The following PIK3CD variants were observed in gnomAD, a reference collection of about 807,000 sequenced individuals.
The protein encoded by PIK3CD is phosphatidylinositol 4,5-bisphosphate 3-kinase catalytic subunit delta isoform.
PIK3CD carries 20 observed loss-of-function variants against 122.9 expected under a neutral mutation model. That is an observed-to-expected ratio of 0.16 (90% CI 0.11 to 0.24). The LOEUF (loss-of-function observed/expected upper bound fraction) is 0.24, where lower values mean the gene tolerates loss of function less well. PIK3CD is among the 10% of genes least tolerant of loss of function. The pLI, the probability that PIK3CD is intolerant of heterozygous loss-of-function variation, is 1.00. For synonymous variants in PIK3CD, 596 were observed against 593.4 expected (o/e 1.00, Z -0.06); for missense variants, 787 against 1,406.3 (o/e 0.56, Z 7.04).
At chr1:9,642,765 T>C in the PIK3CD span, among the ~76,000 whole-genome samples, 3 of 148,054 alleles carry the variant, frequency 2.0e-5, no homozygotes, top group Non-Finnish European at 4.5e-5. Flanking sequence ...TCCAGCACAC[T>C]AGCGTGTCAC....
rs148552604 is a variant in PIK3CD at position 9,662,771 on chromosome 1, C to T, written c.-138+10969C>T. On this transcript the variant is annotated intron_variant, in intron 1 of 23. Coordinates refer to ENST00000377346, the MANE Select transcript of PIK3CD (RefSeq NM_005026.5). ...TGGCAAGATCTCGGCTCACTGCCAT[C>T]TCTACCTCCCGCGTCCTAGCAATTC... 3 of 152,188 alleles carry T rather than the reference C, an allele frequency of 2.0e-5. No homozygotes were observed. The East Asian group carries it at 5.8e-4, about 29-fold the overall frequency. The allele number at this position is 152,188 out of a possible 1,614,324, so 9.4% of individuals were successfully genotyped here.
At position 9,710,223 on chromosome 1, in the gene PIK3CD, G is replaced by A. The variant is rs1451104164; in HGVS notation, c.-32-201G>A. ...CCTGGGAGAAGAGGCAGCTGAGGCC[G>A]TGGCCCGGAGTAGTAGGAGCCACAA... On this transcript the variant is annotated intron_variant, in intron 2 of 23. Coordinates refer to ENST00000377346, the MANE Select transcript of PIK3CD (RefSeq NM_005026.5). This position sits in a 1 kb window ranked among gnomAD's most constrained non-coding sequence, Gnocchi z 4.7. 3.2e-5 allele frequency: 18 copies of A among 558,952 alleles called. No homozygotes were observed. Among genetic ancestry groups the A allele is most frequent in the Admixed American group, 1.1e-4 (4 of 35,298 alleles). The allele number at this position is 558,952 out of a possible 1,614,324, so 34.6% of individuals were successfully genotyped here. A position where few individuals can be genotyped will look rare whatever the true frequency, so the allele number is the denominator to read the frequency against.
intron 2 of PIK3CD, among the ~76,000 whole-genome samples, chr1:9,693,867 G>C (rs986231268): frequency 1.3e-5 from 2 of 152,036 alleles, no homozygotes; most frequent in Non-Finnish European, 2.9e-5. Context: ...GGAGTGCTTC[G>C]AAAGGTGGTG....
In PIK3CD at chr1:9,652,011, G is replaced by A. The variant is rs979437189; in HGVS notation, c.-138+209G>A. Among the ~76,000 whole-genome samples the A allele has an allele frequency of 2.0e-5, 3 of 151,916 alleles. No individual in the cohort carries two copies. The highest frequency in any genetic ancestry group is 6.6e-5 in the Admixed American group (1 of 15,258). ...CGGGGGCCGGGCTGCTGGGACCTGG[G>A]CGGGGGCTGCCCTAGAGGCCCGGGG... On this transcript the variant is annotated intron_variant, in intron 1 of 23. Transcript: ENST00000377346. This position sits in a 1 kb window ranked among gnomAD's most constrained non-coding sequence, Gnocchi z 6.2.
chr1:9,642,875 G>C, the PIK3CD span, among the ~76,000 whole-genome samples: 2 of 151,400 alleles, frequency 1.3e-5, no homozygotes, highest in Non-Finnish European at 2.9e-5. Flanking sequence ...TGGATCACTT[G>C]AGCCCAGGAG....
chr1:9,697,425 G>A (rs1315154070), intron 2 of PIK3CD, among the ~76,000 whole-genome samples: 1 of 151,836 alleles, frequency 6.6e-6, no homozygotes, highest in African/African-American at 2.4e-5. Context: ...CAGGCACGGT[G>A]GCTCATGCCT....
intron 2 of PIK3CD, among the ~76,000 whole-genome samples, chr1:9,708,460 T>C (rs1271550997): frequency 1.3e-5 from 2 of 151,606 alleles, no homozygotes; most frequent in African/African-American, 4.8e-5. Flanking sequence ...GGACTGCAGG[T>C]GTAAGCCACC....
intron 23 of PIK3CD, among the ~76,000 whole-genome samples, chr1:9,726,309 C>G (rs181657763): frequency 6.6e-6 from 1 of 151,974 alleles, no homozygotes; most frequent in Admixed American, 6.6e-5. Flanking sequence ...GAGATCGAGA[C>G]CATCCTGGCT....
intron 3 of PIK3CD, among the ~76,000 whole-genome samples, chr1:9,712,469 C>CG (rs1647094453): frequency 6.6e-6 from 1 of 151,692 alleles, no homozygotes. Flanking sequence ...TTAGTAGAGA[C>CG]GGGGTTTCAC....
chr1:9,699,792 C>T (rs574262669), intron 2 of PIK3CD, among the ~76,000 whole-genome samples: 2 of 152,260 alleles, frequency 1.3e-5, no homozygotes, highest in East Asian at 1.9e-4. Context: ...AGGGTTTCAC[C>T]GTGTGGGCCA....
chr1:9,722,481 A>G lies in PIK3CD; in HGVS notation c.2348-47A>G. The G allele has an allele frequency of 2.6e-6, 4 of 1,566,822 alleles. No homozygotes were observed. The highest frequency in any genetic ancestry group is 3.5e-6 in the Non-Finnish European group (4 of 1,137,716). On this transcript the variant is annotated intron_variant, in intron 18 of 23. Coordinates refer to ENST00000377346, the MANE Select transcript of PIK3CD (RefSeq NM_005026.5). The surrounding 1 kb of genome is among the most constrained non-coding windows in gnomAD (Gnocchi z 7.6). The stretch of plus-strand genomic sequence containing the variant: ...GGCTTGGGTGTAGCTGGAAGCAGAG[A>G]ACCTACCAGAAACTCACGCTTCTCC...
the PIK3CD span, among the ~76,000 whole-genome samples, chr1:9,637,133 A>G: frequency 0.45 from 68,554 of 151,940 alleles, 18,292 homozygotes; most frequent in East Asian, 0.84. Flanking sequence ...TCCTGACCTC[A>G]TGATCTGCCT....
At position 9,723,931 on chromosome 1, in the gene PIK3CD, A is replaced by G. The variant is rs1227283269; in HGVS notation, c.2595-38A>G. The G allele has an allele frequency of 2.5e-6, 4 of 1,608,106 alleles. No homozygotes were observed. In the South Asian group the frequency reaches 4.4e-5, roughly 18 times the overall value. The stretch of plus-strand genomic sequence containing the variant: ...CCACCTCTTGATAGGCGGAGCTGCA[A>G]AATGGTATGGCCATGCTTTTTAATC... On this transcript the variant is annotated intron_variant, in intron 20 of 23. Transcript: ENST00000377346. The surrounding 1 kb of genome is among the most constrained non-coding windows in gnomAD (Gnocchi z 4.9).
At chr1:9,654,528 A>G in intron 1 of PIK3CD, 1 of 736,596 alleles carries the variant, frequency 1.4e-6, no homozygotes, top group Non-Finnish European at 2.1e-6. Flanking sequence ...GAATTCATGG[A>G]GGTGGGAGTG....
the PIK3CD span, among the ~76,000 whole-genome samples, chr1:9,643,750 G>A: frequency 6.6e-6 from 1 of 152,186 alleles, no homozygotes; most frequent in African/African-American, 2.4e-5. Context: ...AGGAAGCAGA[G>A]GCATAGAGAG....
chr1:9,720,610 G>T lies in PIK3CD; in HGVS notation c.1471-1G>T. 7.2e-7 allele frequency: 1 copy of T among 1,391,264 alleles called. No individual in the cohort carries two copies. The allele number at this position is 1,391,264 out of a possible 1,614,324, so 86.2% of individuals were successfully genotyped here. A position where few individuals can be genotyped will look rare whatever the true frequency, so the allele number is the denominator to read the frequency against. ...ACGCTGAGTGCAGCCGTTTGTTGCA[G>T]ATCTTGGAGCTGGGGCGACACAGCG... On this transcript the variant is annotated splice_acceptor_variant, in intron 11 of 23. Coordinates refer to ENST00000377346, the MANE Select transcript of PIK3CD (RefSeq NM_005026.5). LOFTEE classifies it high-confidence loss of function. This position sits in a 1 kb window ranked among gnomAD's most constrained non-coding sequence, Gnocchi z 9.0.
At position 9,722,201 on chromosome 1, in the gene PIK3CD, G is replaced by A. The variant is rs775954521; in HGVS notation, c.2235-43G>A. On this transcript the variant is annotated intron_variant, in intron 17 of 23. Transcript: ENST00000377346. This position sits in a 1 kb window ranked among gnomAD's most constrained non-coding sequence, Gnocchi z 7.6. ...GGGTTCCTCCCACCCCTGGGAGGCC[G>A]GTAGAGGAGCCCCTGCTGACTGCCC... is the stretch of plus-strand genomic sequence containing the variant. The A allele has an allele frequency of 1.6e-5, 25 of 1,610,374 alleles. No individual in the cohort carries two copies. Among genetic ancestry groups the A allele is most frequent in the Admixed American group, 3.4e-5 (2 of 59,678 alleles).
intron 1 of PIK3CD, among the ~76,000 whole-genome samples, chr1:9,665,201 C>CAAA (rs756515572): frequency 1.7e-4 from 9 of 52,914 alleles, no homozygotes; most frequent in African/African-American, 5.2e-4. Context: ...GACAGCCTGT[C>CAAA]AAAAAAAAAA....
chr1:9,663,139 C>T (rs1645056271), intron 1 of PIK3CD, among the ~76,000 whole-genome samples: 2 of 152,156 alleles, frequency 1.3e-5, no homozygotes, highest in Non-Finnish European at 2.9e-5. Context: ...TCTGGTTTGG[C>T]TCTGGCGCTC....
Sources: allele counts gnomAD v4.1 joint callset (sites outside exome capture counted in the v4.1 genomes callset), GRCh38; gene constraint gnomAD v4.1.1; non-coding constraint Gnocchi (gnomAD v3.1); transcripts MANE v1.5; gene names NCBI Gene and HGNC (gene_info 2026-07-23, HGNC 2026-07-21).